The following ANAPC10 variants were observed in gnomAD, a reference collection of about 807,000 sequenced individuals.
The protein encoded by ANAPC10 is anaphase promoting complex subunit 10, also known as anaphase-promoting complex subunit 10.
A neutral mutation model predicts 22.0 loss-of-function variants in ANAPC10; 12 were observed. The ratio of observed to expected loss-of-function variants is 0.55; its 90% CI spans 0.35 to 0.88. ANAPC10 has a LOEUF of 0.88. Ranked by LOEUF, ANAPC10 falls within the 40% of genes least tolerant of loss-of-function variation. The pLI is 0.01. For synonymous variants in ANAPC10, 65 were observed against 69.5 expected (o/e 0.94, Z 0.32); for missense variants, 188 against 220.9 (o/e 0.85, Z 0.94).
At position 145,050,791 on chromosome 4, in the gene ANAPC10, TA is replaced by T. The variant is rs1740991100; in HGVS notation, c.327+13780del. On this transcript the variant is annotated intron_variant, in intron 4 of 4. Coordinates refer to ENST00000507656, the MANE Select transcript of ANAPC10 (RefSeq NM_001256706.2). ...GCTTCCTCACCTCTCTCAGCCTTCC[TA>T]ATATTGAAGAGAATTAGGACCATAC... 4.6e-5 allele frequency among the ~76,000 whole-genome samples: 7 copies of T among 152,330 alleles called. No individual in the cohort carries two copies. In the South Asian group the frequency reaches 1.5e-3, roughly 32 times the overall value.
At chr4:145,095,177 C>A (rs137959087) in intron 2 of ANAPC10, among the ~76,000 whole-genome samples, 22 of 152,222 alleles carry the variant, frequency 1.4e-4, no homozygotes, top group African/African-American at 5.3e-4. Context: ...AAAATCAGAC[C>A]AGTGTACAGT....
intron 4 of ANAPC10, among the ~76,000 whole-genome samples, chr4:145,035,756 G>C (rs944454642): frequency 6.6e-6 from 1 of 152,116 alleles, no homozygotes; most frequent in South Asian, 2.1e-4. Context: ...TGGACTTCAC[G>C]CTCATCTGTT....
At chr4:145,071,248 A>G (rs917079976) in intron 3 of ANAPC10, among the ~76,000 whole-genome samples, 3 of 152,136 alleles carry the variant, frequency 2.0e-5, no homozygotes, top group Non-Finnish European at 2.9e-5. Context: ...CTCTATTAAA[A>G]ATACAAAATT....
intron 4 of ANAPC10, among the ~76,000 whole-genome samples, chr4:145,049,106 T>A (rs920424184): frequency 6.6e-6 from 1 of 152,206 alleles, no homozygotes; most frequent in Non-Finnish European, 1.5e-5. Flanking sequence ...TAAAGAACAA[T>A]GTACATATCC....
rs921936385 is a variant in ANAPC10, at chr4:145,061,300, T to C, written c.327+3272A>G. 3.3e-5 allele frequency among the ~76,000 whole-genome samples: 5 copies of C among 152,186 alleles called. No individual in the cohort carries two copies. The East Asian group carries it at 7.7e-4, about 23-fold the overall frequency. Reference sequence around the variant, plus strand: ...TCCAAATATCGCTTAAAGTTTCTCCTGTTAACTTCTCAAAATCCTTATTTA... The same window carrying C: ...TCCAAATATCGCTTAAAGTTTCTCCCGTTAACTTCTCAAAATCCTTATTTA... On this transcript the variant is annotated intron_variant, in intron 4 of 4. Coordinates refer to ENST00000507656, the MANE Select transcript of ANAPC10 (RefSeq NM_001256706.2).
At chr4:145,064,722 A>C (rs757727366) in intron 3 of ANAPC10, 30 bp from the exon 4 acceptor site, 6 of 1,471,170 alleles carry the variant, frequency 4.1e-6, no homozygotes, top group African/African-American at 1.4e-5. Flanking sequence ...AATAACATGC[A>C]CTTCATCATA....
intron 3 of ANAPC10, among the ~76,000 whole-genome samples, chr4:145,080,907 CAAA>C (rs58188670): frequency 5.1e-5 from 2 of 38,848 alleles, no homozygotes; most frequent in African/African-American, 9.8e-5. Flanking sequence ...AACTCCATCT[CAAA>C]AAAAAAAAAA....
At chr4:145,028,053 G>A (rs938831378) in intron 4 of ANAPC10, among the ~76,000 whole-genome samples, 4 of 152,202 alleles carry the variant, frequency 2.6e-5, no homozygotes, top group Admixed American at 2.6e-4. Flanking sequence ...AGAAAATGGG[G>A]AGGGAGCCAG....
At chr4:145,069,971 T>C (rs1320656304) in intron 3 of ANAPC10, among the ~76,000 whole-genome samples, 1 of 152,224 alleles carries the variant, frequency 6.6e-6, no homozygotes, top group Admixed American at 6.5e-5. Context: ...TGTTAACACA[T>C]AATAGGTTAA....
At chr4:145,095,121 T>C (rs901079034) in intron 2 of ANAPC10, among the ~76,000 whole-genome samples, 16 of 152,134 alleles carry the variant, frequency 1.1e-4, no homozygotes, top group African/African-American at 3.4e-4. Context: ...AAAAAAAAAT[T>C]CAGTGCATTA....
intron 2 of ANAPC10, among the ~76,000 whole-genome samples, chr4:145,085,563 T>A (rs937135962): frequency 2.0e-5 from 3 of 151,472 alleles, no homozygotes; most frequent in African/African-American, 7.3e-5. Flanking sequence ...AAAAAAAAAA[T>A]TAAACACAAA....
chr4:145,026,835 C>T (rs1450418542), intron 4 of ANAPC10, among the ~76,000 whole-genome samples: 3 of 146,386 alleles, frequency 2.0e-5, no homozygotes, highest in African/African-American at 5.0e-5. Context: ...GAAACAAGAA[C>T]AGAATGTTAA....
At chr4:145,018,287 G>A (rs1011302571) in intron 4 of ANAPC10, among the ~76,000 whole-genome samples, 1 of 152,068 alleles carries the variant, frequency 6.6e-6, no homozygotes, top group Non-Finnish European at 1.5e-5. Context: ...AACATTGAAT[G>A]TAAATGGCCT....
chr4:145,019,996 T>C (rs1735748957), intron 4 of ANAPC10, among the ~76,000 whole-genome samples: 1 of 152,098 alleles, frequency 6.6e-6, no homozygotes, highest in Non-Finnish European at 1.5e-5. Flanking sequence ...AGCAGAATTC[T>C]ACCAGACTTT....
At chr4:145,015,948 A>T (rs1374000562) in intron 4 of ANAPC10, among the ~76,000 whole-genome samples, 1 of 152,146 alleles carries the variant, frequency 6.6e-6, no homozygotes, top group East Asian at 1.9e-4. Flanking sequence ...TCGAAACCTT[A>T]AAACAAATCC....
chr4:145,038,870 A>G (rs373056348), intron 4 of ANAPC10, among the ~76,000 whole-genome samples: 2 of 51,964 alleles, frequency 3.8e-5, no homozygotes, highest in East Asian at 1.4e-3. Context: ...GGCAAAACCT[A>G]TAAGAAGCAG....
intron 3 of ANAPC10, among the ~76,000 whole-genome samples, chr4:145,066,214 A>C (rs1386162988): frequency 1.3e-5 from 2 of 152,152 alleles, no homozygotes; most frequent in Non-Finnish European, 2.9e-5. Flanking sequence ...GAATAGGGAA[A>C]GTTAAGCACT....
chr4:145,053,919 T>TGTG, intron 4 of ANAPC10: 1 of 327,800 alleles, frequency 3.1e-6, no homozygotes, highest in Non-Finnish European at 5.6e-6. Flanking sequence ...TGTGTGTGTG[T>TGTG]TTTTTTTTTA....
chr4:145,081,557 G>A (rs1176208268), intron 3 of ANAPC10, 103 bp downstream of exon 3: 2 of 708,862 alleles, frequency 2.8e-6, no homozygotes, highest in Admixed American at 5.7e-5. Context: ...AAAAAGTTAA[G>A]TGTATTTCAT....
Sources: allele counts gnomAD v4.1 joint callset (sites outside exome capture counted in the v4.1 genomes callset), GRCh38; gene constraint gnomAD v4.1.1; transcripts MANE v1.5; gene names NCBI Gene and HGNC (gene_info 2026-07-23, HGNC 2026-07-21).